The following DPF3 variants were observed in gnomAD, a reference collection of about 807,000 sequenced individuals.
The protein encoded by DPF3 is double PHD fingers 3.
Under a neutral mutation model 56.8 loss-of-function variants are expected in DPF3, and 18 were observed. That is an observed-to-expected ratio of 0.32 (90% CI 0.22 to 0.47). DPF3 has a LOEUF of 0.47. Ranked by LOEUF, DPF3 falls within the 20% of genes least tolerant of loss-of-function variation. DPF3 has a pLI of 1.00. For synonymous variants in DPF3, 188 were observed against 180.2 expected (o/e 1.04, Z -0.35); for missense variants, 403 against 488.8 (o/e 0.82, Z 1.65).
intron 1 of DPF3, among the ~76,000 whole-genome samples, chr14:72,829,215 GATC>G (rs895637307): frequency 7.2e-5 from 11 of 152,236 alleles, no homozygotes; most frequent in Middle Eastern, 3.4e-3. Context: ...AGATTATTAA[GATC>G]ATTAGGGCAA....
intron 2 of DPF3, among the ~76,000 whole-genome samples, chr14:72,756,148 G>T (rs952792087): frequency 1.3e-5 from 2 of 152,230 alleles, no homozygotes; most frequent in Non-Finnish European, 2.9e-5. Context: ...GACAAGAGGG[G>T]AAACCAGTCC....
Position 72,742,237 on chromosome 14 carries a change from GAGATAAA to G in DPF3, c.302-10310_302-10304del, listed in dbSNP as rs1261829141. ...CTGCAGGCTCTGACACTGCAGGAAAGAGATAAATGACTGGTCATTTCCCCCTGATGCA... is the reference window on the plus strand; with the variant it reads ...CTGCAGGCTCTGACACTGCAGGAAAGTGACTGGTCATTTCCCCCTGATGCA... On this transcript the variant is annotated intron_variant, in intron 3 of 10. Coordinates refer to ENST00000556509, the MANE Select transcript of DPF3 (RefSeq NM_001280542.3). Among the ~76,000 whole-genome samples, 14 of 152,200 alleles carry G rather than the reference GAGATAAA, an allele frequency of 9.2e-5. 1 individual carries two copies. Among genetic ancestry groups the G allele is most frequent in the Admixed American group, 7.2e-4 (11 of 15,286 alleles).
chr14:72,676,642 A>G (rs557604320), intron 7 of DPF3, among the ~76,000 whole-genome samples: 1 of 152,296 alleles, frequency 6.6e-6, no homozygotes, highest in East Asian at 1.9e-4. Flanking sequence ...GTGATAGTGA[A>G]TAAGTCTCAT....
chr14:72,824,883 A>G (rs1477406367), intron 1 of DPF3, among the ~76,000 whole-genome samples: 4 of 148,114 alleles, frequency 2.7e-5, no homozygotes, highest in Non-Finnish European at 6.0e-5. Flanking sequence ...ACGCTTTCCT[A>G]TATGCCTTTT....
chr14:72,839,787 G>A (rs925511879), intron 1 of DPF3, among the ~76,000 whole-genome samples: 1 of 152,224 alleles, frequency 6.6e-6, no homozygotes, highest in Non-Finnish European at 1.5e-5. Flanking sequence ...TGGTGGCTGA[G>A]TTTGTGGAAG....
intron 4 of DPF3, among the ~76,000 whole-genome samples, chr14:72,727,567 C>T (rs564252221): frequency 1.3e-5 from 2 of 148,912 alleles, no homozygotes; most frequent in South Asian, 2.1e-4. Flanking sequence ...CGAGGCGAGA[C>T]TCCATCTCAA....
At chr14:72,871,114 T>C (rs951988743) in intron 1 of DPF3, among the ~76,000 whole-genome samples, 1 of 152,180 alleles carries the variant, frequency 6.6e-6, no homozygotes, top group African/African-American at 2.4e-5. Flanking sequence ...TTACTCACTA[T>C]CACGAGAATA....
chr14:72,717,927 C>A (rs540135086), intron 5 of DPF3, among the ~76,000 whole-genome samples: 1 of 152,360 alleles, frequency 6.6e-6, no homozygotes, highest in African/African-American at 2.4e-5. Flanking sequence ...GAGTGTACCA[C>A]ATGGCCCTGT....
chr14:72,659,931 A>G (rs1424457679), intron 8 of DPF3, among the ~76,000 whole-genome samples: 1 of 150,252 alleles, frequency 6.7e-6, no homozygotes, highest in Non-Finnish European at 1.5e-5. Flanking sequence ...TATTACACTA[A>G]ATGAAATAAG....
intron 1 of DPF3, 106 bp downstream of exon 1, chr14:72,893,951 G>T: frequency 7.4e-7 from 1 of 1,343,522 alleles, no homozygotes; most frequent in Non-Finnish European, 1.0e-6. Flanking sequence ...GCCGCGGCTG[G>T]AGGCGCCTGC....
At chr14:72,756,869 A>AAAGGAAGAAAGG (rs1890830634) in intron 2 of DPF3, among the ~76,000 whole-genome samples, 2 of 95,598 alleles carry the variant, frequency 2.1e-5, no homozygotes, top group Admixed American at 1.2e-4. Flanking sequence ...AGAAAGAAAG[A>AAAGGAAGAAAGG]AAGGAAGGAA....
chr14:72,688,336 T>C (rs1025065972), intron 7 of DPF3, among the ~76,000 whole-genome samples: 5 of 150,016 alleles, frequency 3.3e-5, no homozygotes, highest in East Asian at 2.0e-4. Flanking sequence ...GATGGATCGA[T>C]GACGTATACA....
chr14:72,637,896 C>T (rs967157132), intron 8 of DPF3, among the ~76,000 whole-genome samples: 22 of 151,094 alleles, frequency 1.5e-4, no homozygotes, highest in African/African-American at 5.1e-4. Flanking sequence ...CCAGTCCGAT[C>T]CAATGTCGAC....
At chr14:72,665,733 G>A (rs760959321) in intron 8 of DPF3, among the ~76,000 whole-genome samples, 1 of 152,224 alleles carries the variant, frequency 6.6e-6, no homozygotes, top group Non-Finnish European at 1.5e-5. Flanking sequence ...AAGGACACTA[G>A]TGAGACAACT....
At chr14:72,857,026 C>T (rs1176248416) in intron 1 of DPF3, among the ~76,000 whole-genome samples, 3 of 152,174 alleles carry the variant, frequency 2.0e-5, no homozygotes, top group African/African-American at 7.2e-5. Flanking sequence ...AGTGACCTGA[C>T]AGACCAAGGG....
chr14:72,784,949 C>T (rs1892150180), intron 1 of DPF3, among the ~76,000 whole-genome samples: 1 of 150,714 alleles, frequency 6.6e-6, no homozygotes, highest in Admixed American at 6.6e-5. Context: ...AAGAGCAAAA[C>T]ACCGCCTCAA....
intron 3 of DPF3, among the ~76,000 whole-genome samples, chr14:72,737,688 A>G (rs1177542771): frequency 6.6e-6 from 1 of 152,192 alleles, no homozygotes; most frequent in East Asian, 1.9e-4. Context: ...TGCAAGAGAT[A>G]CCATCTTTCG....
chr14:72,649,271 C>A (rs922151421), intron 8 of DPF3, among the ~76,000 whole-genome samples: 1 of 152,052 alleles, frequency 6.6e-6, no homozygotes, highest in Non-Finnish European at 1.5e-5. Context: ...GTGATGAGTA[C>A]CCTGCCAGCC....
chr14:72,740,288 C>A (rs1890071412), intron 3 of DPF3, among the ~76,000 whole-genome samples: 1 of 152,156 alleles, frequency 6.6e-6, no homozygotes, highest in South Asian at 2.1e-4. Flanking sequence ...AGGTGTTGAG[C>A]AAAGCATGAT....
Sources: gnomAD v4.1 joint callset for allele counts (sites outside exome capture counted in the v4.1 genomes callset) on GRCh38, gnomAD v4.1.1 for gene constraint, MANE v1.5 for transcripts, NCBI Gene and HGNC (gene_info 2026-07-23, HGNC 2026-07-21) for gene names.